CFAP299: variants seen among roughly 807,000 people sequenced by gnomAD.
CFAP299 encodes the protein cilia and flagella associated protein 299.
In CFAP299, 21 loss-of-function variants were observed where a neutral mutation model predicts 27.0. The ratio of observed to expected loss-of-function variants is 0.78; its 90% confidence interval spans 0.55 to 1.12. CFAP299 has a LOEUF of 1.12. Ranked by LOEUF, CFAP299 falls within the 50% of genes most tolerant of loss-of-function variation. The pLI is 0.00. For missense variants in CFAP299, 310 were observed against 276.6 expected (o/e 1.12, Z -0.86); for synonymous variants, 104 against 98.1 (o/e 1.06, Z -0.36).
intron 3 of CFAP299, among the ~76,000 whole-genome samples, chr4:80,652,477 CA>C (rs967780889): frequency 3.3e-5 from 5 of 151,970 alleles, no homozygotes; most frequent in African/African-American, 7.3e-5. Flanking sequence ...CTGGGAATGT[CA>C]AAGTTGGTGC....
At chr4:80,706,146 T>C (rs958062345) in intron 3 of CFAP299, among the ~76,000 whole-genome samples, 1 of 151,858 alleles carries the variant, frequency 6.6e-6, no homozygotes, top group Non-Finnish European at 1.5e-5. Flanking sequence ...TATACTTCCT[T>C]TATAACGACA....
chr4:80,707,968 G>C (rs546036665), intron 3 of CFAP299, among the ~76,000 whole-genome samples: 2 of 152,078 alleles, frequency 1.3e-5, no homozygotes, highest in Non-Finnish European at 2.9e-5. Context: ...TTCTGAAGGT[G>C]CAAGCAACAC....
rs192191827 is a variant in CFAP299 at position 80,676,550 on chromosome 4, T to C, written c.333+93367T>C. Among the ~76,000 whole-genome samples the C allele has an allele frequency of 5.3e-4, 81 of 152,288 alleles. No homozygotes were observed. The East Asian group carries it at 0.012, about 23-fold the overall frequency. The stretch of plus-strand genomic sequence containing the variant: ...GATTGGTGTTAGTTCTTTAAATTTT[T>C]GGCAAACTCAACTACAAAGCTATCA... On this transcript the variant is annotated intron_variant, in intron 3 of 5. Transcript: ENST00000358105.
At chr4:80,729,836 C>G (rs1388820595) in intron 3 of CFAP299, among the ~76,000 whole-genome samples, 1 of 151,988 alleles carries the variant, frequency 6.6e-6, no homozygotes, top group Non-Finnish European at 1.5e-5. Flanking sequence ...ATCTCCTGAC[C>G]TCGTGATCTG....
At chr4:80,673,845 T>C (rs1235990439) in intron 3 of CFAP299, among the ~76,000 whole-genome samples, 5 of 136,672 alleles carry the variant, frequency 3.7e-5, no homozygotes, top group African/African-American at 1.1e-4. Context: ...ACTCTGCCTT[T>C]TTTTTTTTTT....
At chr4:80,460,647 A>G (rs1426682768) in intron 2 of CFAP299, among the ~76,000 whole-genome samples, 7 of 152,122 alleles carry the variant, frequency 4.6e-5, no homozygotes, top group African/African-American at 9.7e-5. Context: ...TGTTGTGTTT[A>G]ACCACTGATA....
chr4:80,707,486 T>C (rs1721889715), intron 3 of CFAP299, among the ~76,000 whole-genome samples: 2 of 152,004 alleles, frequency 1.3e-5, no homozygotes, highest in African/African-American at 4.8e-5. Flanking sequence ...CTCTCATTAC[T>C]GCTCAATACT....
intron 3 of CFAP299, among the ~76,000 whole-genome samples, chr4:80,749,121 G>C (rs1176558371): frequency 6.6e-6 from 1 of 152,110 alleles, no homozygotes; most frequent in Non-Finnish European, 1.5e-5. Context: ...AAGAGAAAGA[G>C]AATATTCACC....
intron 3 of CFAP299, among the ~76,000 whole-genome samples, chr4:80,616,010 A>G (rs1560657869): frequency 6.6e-6 from 1 of 152,168 alleles, no homozygotes; most frequent in Non-Finnish European, 1.5e-5. Context: ...TTACTAACTC[A>G]CTCTAAGAAA....
chr4:80,538,132 G>A (rs1271910119), intron 2 of CFAP299, among the ~76,000 whole-genome samples: 3 of 152,008 alleles, frequency 2.0e-5, no homozygotes, highest in Non-Finnish European at 4.4e-5. Flanking sequence ...TAACATTGCA[G>A]CATTACTCAG....
intron 2 of CFAP299, among the ~76,000 whole-genome samples, chr4:80,396,077 T>C (rs1725771701): frequency 6.6e-6 from 1 of 152,192 alleles, no homozygotes; most frequent in Admixed American, 6.6e-5. Flanking sequence ...CATTGCACTA[T>C]GTGTCACTGC....
intron 2 of CFAP299, among the ~76,000 whole-genome samples, chr4:80,533,879 GTA>G (rs1214254291): frequency 6.6e-6 from 1 of 152,006 alleles, no homozygotes; most frequent in Non-Finnish European, 1.5e-5. Flanking sequence ...TGTTTCATGG[GTA>G]TATGATCTGG....
intron 3 of CFAP299, among the ~76,000 whole-genome samples, chr4:80,822,738 C>A (rs997054559): frequency 2.6e-5 from 4 of 152,126 alleles, no homozygotes; most frequent in Admixed American, 2.6e-4. Context: ...ACCATAAAAA[C>A]TGGATTCCCA....
intron 4 of CFAP299, among the ~76,000 whole-genome samples, chr4:80,901,140 C>G (rs1302211364): frequency 1.1e-4 from 16 of 152,018 alleles, no homozygotes; most frequent in Non-Finnish European, 1.3e-4. Flanking sequence ...TGGACTCTCC[C>G]TAAGTGCATG....
At chr4:80,366,306 C>A (rs955190882) in intron 2 of CFAP299, among the ~76,000 whole-genome samples, 1 of 152,138 alleles carries the variant, frequency 6.6e-6, no homozygotes, top group Non-Finnish European at 1.5e-5. Context: ...TTTGGTCTAG[C>A]AATCATAGAG....
intron 3 of CFAP299, among the ~76,000 whole-genome samples, chr4:80,613,046 C>T (rs1738081688): frequency 6.6e-6 from 1 of 152,054 alleles, no homozygotes; most frequent in African/African-American, 2.4e-5. Context: ...TTTGATTCCC[C>T]ATAATCCTAC....
At chr4:80,490,050 G>C (rs1731034561) in intron 2 of CFAP299, among the ~76,000 whole-genome samples, 1 of 152,164 alleles carries the variant, frequency 6.6e-6, no homozygotes, top group Non-Finnish European at 1.5e-5. Context: ...TCCTGAGCCT[G>C]CGACAGGAGG....
intron 3 of CFAP299, among the ~76,000 whole-genome samples, chr4:80,621,832 CA>C (rs1271890255): frequency 2.0e-5 from 3 of 152,022 alleles, no homozygotes; most frequent in African/African-American, 7.2e-5. Flanking sequence ...GTCTTAAAAG[CA>C]GTAAGAATTT....
intron 3 of CFAP299, among the ~76,000 whole-genome samples, chr4:80,586,635 A>G (rs1056507436): frequency 2.0e-5 from 3 of 152,202 alleles, no homozygotes; most frequent in Non-Finnish European, 4.4e-5. Flanking sequence ...CTTCTAATAT[A>G]ATAGGATTAT....
Sources: allele counts gnomAD v4.1 joint callset (sites outside exome capture counted in the v4.1 genomes callset), GRCh38; gene constraint gnomAD v4.1.1; transcripts MANE v1.5; gene names NCBI Gene and HGNC (gene_info 2026-07-23, HGNC 2026-07-21).